Variants in STOM observed in about 807,000 individuals in gnomAD.
STOM encodes the protein erythrocyte band 7 integral membrane protein.
A neutral mutation model predicts 30.6 loss-of-function variants in STOM; 25 were observed. The observed-to-expected ratio is 0.82, with a 90% confidence interval of 0.60 to 1.14. STOM has a LOEUF of 1.14. Ranked by LOEUF, STOM falls within the 50% of genes most tolerant of loss-of-function variation. STOM has a pLI of 0.00. For missense variants in STOM, 292 were observed against 365.2 expected (o/e 0.80, Z 1.63); for synonymous variants, 118 against 130.8 (o/e 0.90, Z 0.67).
chr9:121,362,616 T>A (rs1032862187), intron 1 of STOM, among the ~76,000 whole-genome samples: 1 of 152,200 alleles, frequency 6.6e-6, no homozygotes, highest in East Asian at 1.9e-4. Flanking sequence ...TCTGAAGGTA[T>A]CTTTTGTTAC....
At chr9:121,349,433 T>A in intron 4 of STOM, 110 bp from the exon 5 acceptor site, 1 of 847,012 alleles carries the variant, frequency 1.2e-6, no homozygotes, top group Non-Finnish European at 1.8e-6. Context: ...TTTTCTTTAG[T>A]AAGGCATCAG....
intron 4 of STOM, 75 bp from the exon 5 acceptor site, chr9:121,349,398 C>T: frequency 7.6e-7 from 1 of 1,319,086 alleles, no homozygotes; most frequent in African/African-American, 1.4e-5. Context: ...TGTTATTCTA[C>T]AGAATATCTT....
At chr9:121,366,349 A>T (rs1034870817) in intron 1 of STOM, 25 of 729,426 alleles carry the variant, frequency 3.4e-5, no homozygotes, top group African/African-American at 3.8e-5. Context: ...TTAATTATCA[A>T]CAAGTGTGTG....
At chr9:121,356,258 C>T in intron 1 of STOM, 102 bp from the exon 2 acceptor site, 2 of 894,038 alleles carry the variant, frequency 2.2e-6, no homozygotes, top group Non-Finnish European at 1.7e-6. Context: ...CTTGGCACTA[C>T]ACCAGCTGTT....
chr9:121,351,037 T>C (rs1415738939), intron 4 of STOM, among the ~76,000 whole-genome samples: 1 of 152,228 alleles, frequency 6.6e-6, no homozygotes, highest in African/African-American at 2.4e-5. Context: ...CTCTGCCTAC[T>C]GTTTATCATC....
At position 121,353,209 on chromosome 9, in the gene STOM, G is replaced by A; in HGVS notation, c.321+11C>T. 2 of 1,588,046 alleles carry A rather than the reference G, an allele frequency of 1.3e-6. No homozygotes were observed. The highest frequency in any genetic ancestry group is 1.7e-6 in the Non-Finnish European group (2 of 1,162,578). ...ACATATGATACCTCAGTTATTCAAAGAAAACCTTACCTCCTGAGGAGGAAT... is the reference window on the plus strand; with the variant it reads ...ACATATGATACCTCAGTTATTCAAAAAAAACCTTACCTCCTGAGGAGGAAT... On this transcript the variant is annotated intron_variant, in intron 4 of 6. Coordinates refer to ENST00000286713, the MANE Select transcript of STOM (RefSeq NM_004099.6).
chr9:121,363,692 C>T (rs972939142), intron 1 of STOM, among the ~76,000 whole-genome samples: 4 of 152,130 alleles, frequency 2.6e-5, no homozygotes, highest in Non-Finnish European at 4.4e-5. Context: ...ACTTGTGGGA[C>T]ATACAGAAAC....
At chr9:121,368,497 A>T (rs1167393624) in intron 1 of STOM, among the ~76,000 whole-genome samples, 1 of 152,242 alleles carries the variant, frequency 6.6e-6, no homozygotes, top group Non-Finnish European at 1.5e-5. Context: ...CAAGTTTTAG[A>T]ATCAGTCAAA....
intron 6 of STOM, among the ~76,000 whole-genome samples, chr9:121,347,296 T>C (rs1209376950): frequency 6.6e-6 from 1 of 152,224 alleles, no homozygotes; most frequent in Non-Finnish European, 1.5e-5. Flanking sequence ...TGGTGAGATA[T>C]CCCTGAAATT....
intron 4 of STOM, among the ~76,000 whole-genome samples, chr9:121,349,913 G>A (rs921768561): frequency 6.6e-6 from 1 of 152,178 alleles, no homozygotes; most frequent in Admixed American, 6.5e-5. Context: ...TGAGTGAGAG[G>A]CTCCAGGAAA....
intron 6 of STOM, among the ~76,000 whole-genome samples, chr9:121,346,543 T>C (rs963050508): frequency 6.6e-6 from 1 of 152,192 alleles, no homozygotes; most frequent in African/African-American, 2.4e-5. Flanking sequence ...TTCAATCTGG[T>C]TTGGAAATGA....
chr9:121,363,451 T>C (rs1425888247), intron 1 of STOM, among the ~76,000 whole-genome samples: 1 of 152,206 alleles, frequency 6.6e-6, no homozygotes. Flanking sequence ...TTGGCAAACT[T>C]TTCCTGTAAA....
At position 121,349,248 on chromosome 9, in the gene STOM, C is replaced by T; in HGVS notation, c.397G>A (p.Val133Met). 2.5e-6 allele frequency: 4 copies of T among 1,614,192 alleles called. No homozygotes were observed. Among genetic ancestry groups the T allele is most frequent in the Non-Finnish European group, 3.4e-6 (4 of 1,180,032 alleles). ...GAGTCAGCGTTGGTGATATTTGCCA[C>T]AGCCAGGGTTGCATTCTGAACGCGG... ...YYRVQNATLA[V>M]ANITNADSAT... is the part of the protein sequence containing the mutation. Residue 133 changes from valine (V) to methionine (M), a missense_variant, in exon 5 of 7, where the codon GTG becomes ATG. Val to Met is a conservative substitution (Grantham distance 21). Transcript: ENST00000286713.
chr9:121,342,667 T>C lies in STOM; in HGVS notation c.661-1259A>G, dbSNP rs149245571. ...ATAACTAAATCATTATTATTTCTCATTGGGTACATTTAAAAGAATGATGTT... is the reference window on the plus strand; with the variant it reads ...ATAACTAAATCATTATTATTTCTCACTGGGTACATTTAAAAGAATGATGTT... On this transcript the variant is annotated intron_variant, in intron 6 of 6. Transcript: ENST00000286713. Among the ~76,000 whole-genome samples the C allele has an allele frequency of 5.6e-3, 852 of 152,288 alleles. 5 individuals are homozygous for C. Among genetic ancestry groups the C allele is most frequent in the African/African-American group, 0.019 (807 of 41,580 alleles).
chr9:121,368,608 T>A (rs182153337), intron 1 of STOM, among the ~76,000 whole-genome samples: 2 of 152,300 alleles, frequency 1.3e-5, no homozygotes, highest in East Asian at 3.9e-4. Context: ...TACCACATCA[T>A]CTGTTGTGAA....
At chr9:121,367,941 T>G (rs7024496) in intron 1 of STOM, among the ~76,000 whole-genome samples, 1,937 of 152,326 alleles carry the variant, frequency 0.013, 40 homozygotes, top group African/African-American at 0.044. Flanking sequence ...TTAGAAACTG[T>G]GATTTTGCCA....
In STOM at chr9:121,340,534, C is replaced by G. The variant is rs1292658010; in HGVS notation, c.*668G>C. On this transcript the variant is annotated 3_prime_UTR_variant, in exon 7 of 7. Transcript: ENST00000286713. ...GGTGGATCACCTGAGGTTAGGAGTT[C>G]GTGACTAGCCTGGCCAACATGGTGA... 2.3e-5 allele frequency: 18 copies of G among 777,882 alleles called. No homozygotes were observed. The highest frequency in any genetic ancestry group is 2.7e-5 in the Non-Finnish European group (17 of 640,922). The allele number at this position is 777,882 out of a possible 1,614,324, so 48.2% of individuals were successfully genotyped here.
chr9:121,341,759 A>G (rs944741360), intron 6 of STOM, among the ~76,000 whole-genome samples: 13 of 152,202 alleles, frequency 8.5e-5, no homozygotes, highest in African/African-American at 3.1e-4. Flanking sequence ...AGCATTTCCA[A>G]TTCTCTGATG....
At chr9:121,350,975 C>A (rs1404769195) in intron 4 of STOM, among the ~76,000 whole-genome samples, 1 of 152,170 alleles carries the variant, frequency 6.6e-6, no homozygotes, top group African/African-American at 2.4e-5. Context: ...GTGTCATTCC[C>A]AAATTCTTGC....
Sources: gnomAD v4.1 joint callset for allele counts (sites outside exome capture counted in the v4.1 genomes callset) on GRCh38, gnomAD v4.1.1 for gene constraint, MANE v1.5 for transcripts, NCBI Gene and HGNC (gene_info 2026-07-23, HGNC 2026-07-21) for gene names.